The following UPB1 variants were observed in gnomAD, a reference collection of about 807,000 sequenced individuals.
The protein encoded by UPB1 is beta-ureidopropionase.
In UPB1, 40 loss-of-function variants were observed where a neutral mutation model predicts 49.1. The observed-to-expected ratio is 0.81, with a 90% confidence interval of 0.63 to 1.06. The LOEUF (loss-of-function observed/expected upper bound fraction) is 1.06. UPB1 is among the 50% of genes least tolerant of loss of function. The pLI, the probability that UPB1 is intolerant of heterozygous loss-of-function variation, is 0.00. For missense variants in UPB1, 499 were observed against 505.9 expected (o/e 0.99, Z 0.13); for synonymous variants, 207 against 198.2 (o/e 1.04, Z -0.38).
In UPB1 at chr22:24,510,856, C is replaced by T. The variant is rs1555885750; in HGVS notation, c.459+13C>T. 2.5e-6 allele frequency: 4 copies of T among 1,613,908 alleles called. No homozygotes were observed. Among genetic ancestry groups the T allele is most frequent in the Non-Finnish European group, 3.4e-6 (4 of 1,179,776 alleles). On this transcript the variant is annotated intron_variant, in intron 4 of 9. Transcript: ENST00000326010. Reference sequence around the variant, plus strand: ...ATTCTGTCAGAAGGTAGGACATTAACGGTGCCTCTGGCAGCAGCTGCCAAA... The same window carrying T: ...ATTCTGTCAGAAGGTAGGACATTAATGGTGCCTCTGGCAGCAGCTGCCAAA...
At chr22:24,496,156 C>A (rs2043870509) in intron 1 of UPB1, among the ~76,000 whole-genome samples, 1 of 152,124 alleles carries the variant, frequency 6.6e-6, no homozygotes, top group Non-Finnish European at 1.5e-5. Flanking sequence ...ATTGCTTGAA[C>A]TCAGGAGTTC....
chr22:24,498,552 A>G (rs1276711348), intron 1 of UPB1, among the ~76,000 whole-genome samples: 2 of 151,994 alleles, frequency 1.3e-5, no homozygotes, highest in Non-Finnish European at 2.9e-5. Flanking sequence ...CCTCTCCTGT[A>G]TTACCTTGGC....
In UPB1 at chr22:24,502,743, A is replaced by G. The variant is rs567125341; in HGVS notation, c.364+530A>G. ...AGTTCCTTTGGAATTTACCTTTGTTAGTGTTGCTACTTCCTAATTTTTTAG... is the reference window on the plus strand; with the variant it reads ...AGTTCCTTTGGAATTTACCTTTGTTGGTGTTGCTACTTCCTAATTTTTTAG... On this transcript the variant is annotated intron_variant, in intron 3 of 9. Transcript: ENST00000326010. 7 of 555,782 alleles carry G rather than the reference A, an allele frequency of 1.3e-5. No homozygotes were observed. In the East Asian group the frequency reaches 2.0e-4, roughly 16 times the overall value. The allele number at this position is 555,782 out of a possible 1,614,324, so 34.4% of individuals were successfully genotyped here. A position where few individuals can be genotyped will look rare whatever the true frequency, so the allele number is the denominator to read the frequency against.
At position 24,515,383 on chromosome 22, in the gene UPB1, G is replaced by A. The variant is rs1310588667; in HGVS notation, c.791+13G>A. On this transcript the variant is annotated intron_variant, in intron 6 of 9. Transcript: ENST00000326010. ...TAGGAGCACTCAGGTCACTCAGTTGGTGGGGTCTGGGGGGCTTCCTGGGGC... is the reference window on the plus strand; with the variant it reads ...TAGGAGCACTCAGGTCACTCAGTTGATGGGGTCTGGGGGGCTTCCTGGGGC... 1.2e-6 allele frequency: 2 copies of A among 1,614,020 alleles called. No individual in the cohort carries two copies. The highest frequency in any genetic ancestry group is 1.7e-6 in the Non-Finnish European group (2 of 1,179,932).
chr22:24,498,640 G>C (rs1024429042), intron 1 of UPB1, among the ~76,000 whole-genome samples: 1 of 152,206 alleles, frequency 6.6e-6, no homozygotes, highest in African/African-American at 2.4e-5. Flanking sequence ...ATCACTTGGG[G>C]GAAGAAGGGT....
chr22:24,496,379 A>ACACT (rs2043880312), intron 1 of UPB1, among the ~76,000 whole-genome samples: 1 of 134,864 alleles, frequency 7.4e-6, no homozygotes, highest in Non-Finnish European at 1.5e-5. Context: ...TCAAACACAC[A>ACACT]CACACACACA....
intron 1 of UPB1, among the ~76,000 whole-genome samples, chr22:24,496,404 T>G (rs3138697): frequency 7.9e-6 from 1 of 126,894 alleles, no homozygotes. Context: ...CACACACACA[T>G]ACACACACAC....
intron 5 of UPB1, among the ~76,000 whole-genome samples, chr22:24,514,337 G>A (rs762139757): frequency 1.1e-4 from 17 of 152,188 alleles, no homozygotes; most frequent in Non-Finnish European, 2.5e-4. Context: ...GGGAAGACGC[G>A]CCCCTCACCT....
At chr22:24,518,384 T>TGGAAAAAAAA (rs944660334) in intron 6 of UPB1, 1 of 152,004 alleles carries the variant, frequency 6.6e-6, no homozygotes, top group South Asian at 2.1e-4. Flanking sequence ...TCAGAACTCT[T>TGGAAAAAAAA]GGAAAAAAAA....
chr22:24,508,280 C>A (rs556792753), intron 3 of UPB1, among the ~76,000 whole-genome samples: 2 of 152,332 alleles, frequency 1.3e-5, no homozygotes, highest in African/African-American at 4.8e-5. Flanking sequence ...GACTTGGGGC[C>A]AGATGTGGTG....
intron 3 of UPB1, chr22:24,502,421 G>A (rs763994987): frequency 4.2e-5 from 33 of 785,190 alleles, no homozygotes; most frequent in Admixed American, 1.2e-4. Flanking sequence ...TTCCCACATC[G>A]TTCTGAATCC....
chr22:24,508,247 G>T (rs1030865698), intron 3 of UPB1, among the ~76,000 whole-genome samples: 5 of 152,194 alleles, frequency 3.3e-5, no homozygotes, highest in Admixed American at 3.3e-4. Context: ...ACTTCTGTTA[G>T]GCTAATCCCT....
At chr22:24,510,233 CAAA>C (rs202134271) in intron 3 of UPB1, among the ~76,000 whole-genome samples, 8 of 104,716 alleles carry the variant, frequency 7.6e-5, no homozygotes, top group African/African-American at 1.5e-4. Flanking sequence ...AACTCCATCT[CAAA>C]AAAAAAAAAA....
At position 24,523,848 on chromosome 22, in the gene UPB1, C is replaced by A. The variant is rs953674926; in HGVS notation, c.1071+75C>A. ...ATCCTGCTCTCAGGAACTGCTGTTGCGGGGTTGCCCATGGCAGCATGAGGT... is the reference window on the plus strand; with the variant it reads ...ATCCTGCTCTCAGGAACTGCTGTTGAGGGGTTGCCCATGGCAGCATGAGGT... On this transcript the variant is annotated intron_variant, in intron 9 of 9. Coordinates refer to ENST00000326010, the MANE Select transcript of UPB1 (RefSeq NM_016327.3). The A allele has an allele frequency of 2.8e-5, 45 of 1,605,884 alleles. No individual in the cohort carries two copies. In the African/African-American group the frequency reaches 4.7e-4, roughly 17 times the overall value.
rs1286545004 is a variant in UPB1, at chr22:24,510,853, T to C, written c.459+10T>C. On this transcript the variant is annotated intron_variant, in intron 4 of 9. Transcript: ENST00000326010. ...CAGATTCTGTCAGAAGGTAGGACATTAACGGTGCCTCTGGCAGCAGCTGCC... is the reference window on the plus strand; with the variant it reads ...CAGATTCTGTCAGAAGGTAGGACATCAACGGTGCCTCTGGCAGCAGCTGCC... 2.5e-6 allele frequency: 4 copies of C among 1,613,874 alleles called. No homozygotes were observed. The highest frequency in any genetic ancestry group is 3.4e-6 in the Non-Finnish European group (4 of 1,179,878).
chr22:24,498,846 C>T (rs369899634), intron 1 of UPB1, among the ~76,000 whole-genome samples: 3 of 152,196 alleles, frequency 2.0e-5, no homozygotes, highest in Non-Finnish European at 4.4e-5. Context: ...CACAGGCCTT[C>T]GAGGGAATAG....
At position 24,497,553 on chromosome 22, in the gene UPB1, C is replaced by T. The variant is rs113969614; in HGVS notation, c.104+2046C>T. Among the ~76,000 whole-genome samples, 1,040 of 152,156 alleles carry T rather than the reference C, an allele frequency of 6.8e-3. 17 individuals are homozygous for T. Among genetic ancestry groups the T allele is most frequent in the African/African-American group, 0.023 (966 of 41,492 alleles). On this transcript the variant is annotated intron_variant, in intron 1 of 9. Transcript: ENST00000326010. ...GGGGGCCCTGAAGGGCATGGTGGGG[C>T]TAGGATGGGAAGTGAAGGGCTTTAC...
rs1179904659 is a variant in UPB1, at chr22:24,495,366, A to C, written c.-38A>C. 5 of 1,607,190 alleles carry C rather than the reference A, an allele frequency of 3.1e-6. No individual in the cohort carries two copies. The highest frequency in any genetic ancestry group is 1.7e-5 in the Admixed American group (1 of 60,022). ...CTCCCACTGCGGGCAAAGGGCAGGC[A>C]GTTCGTGCGCGGACACAAGCACTGG... is the stretch of plus-strand genomic sequence containing the variant. On this transcript the variant is annotated 5_prime_UTR_variant, in exon 1 of 10. Transcript: ENST00000326010.
At chr22:24,520,159 G>C in intron 6 of UPB1, 1 of 592,048 alleles carries the variant, frequency 1.7e-6, no homozygotes, top group Non-Finnish European at 3.0e-6. Context: ...GGCTGTTCAG[G>C]CCAGGGCAAG....
Sources: gnomAD v4.1 joint callset for allele counts (sites outside exome capture counted in the v4.1 genomes callset) on GRCh38, gnomAD v4.1.1 for gene constraint, MANE v1.5 for transcripts, NCBI Gene and HGNC (gene_info 2026-07-23, HGNC 2026-07-21) for gene names.